POC1A: variants seen among roughly 807,000 people sequenced by gnomAD.
POC1A encodes POC1 centriolar protein homolog A.
Under a neutral mutation model 47.8 loss-of-function variants are expected in POC1A, and 34 were observed. That is an observed-to-expected ratio of 0.71 (90% CI 0.54 to 0.95). POC1A has a LOEUF of 0.95. Among genes scored for constraint, POC1A ranks in the 40% least tolerant of loss-of-function variants. The pLI is 0.00. For synonymous variants in POC1A, 177 were observed against 207.6 expected (o/e 0.85, Z 1.27); for missense variants, 466 against 528.3 (o/e 0.88, Z 1.16).
At chr3:52,131,100 A>T (rs533010969) in intron 7 of POC1A, among the ~76,000 whole-genome samples, 1 of 152,226 alleles carries the variant, frequency 6.6e-6, no homozygotes, top group Non-Finnish European at 1.5e-5. Flanking sequence ...CTGCACAGCC[A>T]CAAATACCAG....
rs187010016 is a variant in POC1A, at chr3:52,106,712, C to A, written c.982-10000G>T. Among the ~76,000 whole-genome samples, 21 of 152,296 alleles carry A rather than the reference C, an allele frequency of 1.4e-4. No individual in the cohort carries two copies. In the East Asian group the frequency reaches 3.5e-3, roughly 25 times the overall value. On this transcript the variant is annotated intron_variant, in intron 9 of 10. Transcript: ENST00000296484. ...CACAGGTGCCTGTCATCCTATTTCACCTGTGTTGCTCGCAGGCCTTGGGCA... is the reference window on the plus strand; with the variant it reads ...CACAGGTGCCTGTCATCCTATTTCAACTGTGTTGCTCGCAGGCCTTGGGCA...
At chr3:52,145,563 C>T (rs886456634) in intron 6 of POC1A, among the ~76,000 whole-genome samples, 3 of 152,314 alleles carry the variant, frequency 2.0e-5, no homozygotes, top group African/African-American at 7.2e-5. Flanking sequence ...GTGAGGACTC[C>T]CCATCTGGCC....
At chr3:52,126,232 A>C (rs1358491696) in intron 7 of POC1A, among the ~76,000 whole-genome samples, 2 of 152,240 alleles carry the variant, frequency 1.3e-5, no homozygotes, top group Non-Finnish European at 2.9e-5. Flanking sequence ...CAGCTGACTC[A>C]TCAATGAGAG....
chr3:52,104,338 T>G (rs1000450655), intron 9 of POC1A, among the ~76,000 whole-genome samples: 3 of 152,198 alleles, frequency 2.0e-5, no homozygotes, highest in Non-Finnish European at 2.9e-5. Context: ...GTAGACTGAC[T>G]ACAGAGAAGC....
intron 9 of POC1A, among the ~76,000 whole-genome samples, chr3:52,117,974 C>G (rs907469717): frequency 3.9e-5 from 6 of 152,106 alleles, no homozygotes; most frequent in Admixed American, 3.9e-4. Context: ...GGGGTCAGGC[C>G]CCAAAGAACA....
intron 4 of POC1A, among the ~76,000 whole-genome samples, chr3:52,147,956 C>T (rs1363562890): frequency 6.8e-6 from 1 of 148,088 alleles, no homozygotes; most frequent in Non-Finnish European, 1.5e-5. Context: ...CATAAATAAA[C>T]AAAAAGAAAA....
chr3:52,083,202 A>G (rs946541718), intron 10 of POC1A, among the ~76,000 whole-genome samples: 1 of 152,124 alleles, frequency 6.6e-6, no homozygotes, highest in Non-Finnish European at 1.5e-5. Flanking sequence ...GGCAAGAGGC[A>G]TGGGCGGTGT....
At chr3:52,133,892 G>A (rs1366459046) in intron 7 of POC1A, among the ~76,000 whole-genome samples, 1 of 152,168 alleles carries the variant, frequency 6.6e-6, no homozygotes. Context: ...AGCCTGCACT[G>A]TCCACTTCTC....
chr3:52,139,698 G>A (rs1008101703), intron 6 of POC1A, among the ~76,000 whole-genome samples: 2 of 152,172 alleles, frequency 1.3e-5, no homozygotes, highest in African/African-American at 2.4e-5. Flanking sequence ...AACTCCATCA[G>A]GCAGGGGTGG....
intron 7 of POC1A, among the ~76,000 whole-genome samples, chr3:52,125,814 C>T (rs1437303678): frequency 6.6e-6 from 1 of 152,194 alleles, no homozygotes; most frequent in Non-Finnish European, 1.5e-5. Context: ...ACTCTGGCTT[C>T]CCAGATGTTG....
rs752711019 is a variant in POC1A, at chr3:52,149,834, C to T, written c.257G>A (p.Arg86His). ...GACTCACACATTGGGTACCCAGATG[C>T]GGACAGTCTTGTCTCGGGAGCCGGA... ...LASGSRDKTV[R>H]IWVPNVKGES... Residue 86 changes from arginine to histidine, a missense_variant, in exon 3 of 11, where the codon CGC (arginine) becomes CAC (histidine). Coordinates refer to ENST00000296484, the MANE Select transcript of POC1A (RefSeq NM_015426.5). The T allele has an allele frequency of 1.1e-5, 18 of 1,613,398 alleles. No individual in the cohort carries two copies. Among genetic ancestry groups the T allele is most frequent in the African/African-American group, 2.7e-5 (2 of 75,010 alleles).
At chr3:52,132,943 G>T (rs993791668) in intron 7 of POC1A, among the ~76,000 whole-genome samples, 3 of 152,068 alleles carry the variant, frequency 2.0e-5, no homozygotes, top group African/African-American at 7.2e-5. Flanking sequence ...CTACTCGGGA[G>T]GCTGAGGTGG....
intron 10 of POC1A, among the ~76,000 whole-genome samples, chr3:52,093,003 T>C (rs1702695817): frequency 2.0e-5 from 3 of 152,164 alleles, no homozygotes; most frequent in Non-Finnish European, 4.4e-5. Flanking sequence ...GGAGCCATGA[T>C]AGCACTGCCC....
chr3:52,097,751 A>T (rs947924549), intron 9 of POC1A, among the ~76,000 whole-genome samples: 9 of 152,236 alleles, frequency 5.9e-5, no homozygotes, highest in African/African-American at 1.9e-4. Flanking sequence ...TGAATGTGAG[A>T]CATGAGCCAG....
At chr3:52,140,464 G>A (rs1698154684) in intron 6 of POC1A, among the ~76,000 whole-genome samples, 1 of 152,142 alleles carries the variant, frequency 6.6e-6, no homozygotes, top group Non-Finnish European at 1.5e-5. Flanking sequence ...CAGAAGGGAG[G>A]GCATGCTCAG....
intron 2 of POC1A, among the ~76,000 whole-genome samples, 182 bp downstream of exon 2, chr3:52,150,834 T>C (rs1394252541): frequency 6.6e-6 from 1 of 152,124 alleles, no homozygotes; most frequent in African/African-American, 2.4e-5. Context: ...AGGCTCTGCA[T>C]GTAAAATGAA....
intron 10 of POC1A, among the ~76,000 whole-genome samples, chr3:52,087,509 A>G (rs1275419602): frequency 6.6e-6 from 1 of 152,112 alleles, no homozygotes; most frequent in African/African-American, 2.4e-5. Context: ...TCTCAGGGAT[A>G]TAGGATTTCT....
intron 9 of POC1A, among the ~76,000 whole-genome samples, chr3:52,109,460 T>G (rs978676010): frequency 7.9e-5 from 12 of 152,072 alleles, no homozygotes; most frequent in Admixed American, 7.9e-4. Context: ...CAAAGGTTTT[T>G]GTTTTGTTTT....
intron 9 of POC1A, among the ~76,000 whole-genome samples, chr3:52,120,980 G>C (rs1703760528): frequency 6.6e-6 from 1 of 152,224 alleles, no homozygotes; most frequent in Non-Finnish European, 1.5e-5. Flanking sequence ...CTTGAAATGG[G>C]GAAAAGCAGC....
Sources: allele counts gnomAD v4.1 joint callset (sites outside exome capture counted in the v4.1 genomes callset), GRCh38; gene constraint gnomAD v4.1.1; transcripts MANE v1.5; gene names NCBI Gene and HGNC (gene_info 2026-07-23, HGNC 2026-07-21).